Variants in ATP9B observed in about 807,000 individuals in gnomAD.
ATP9B encodes the protein probable phospholipid-transporting ATPase IIB.
In ATP9B, 110 loss-of-function variants were observed where a neutral mutation model predicts 146.1. That is an observed-to-expected ratio of 0.75 (90% CI 0.65 to 0.88). The LOEUF (loss-of-function observed/expected upper bound fraction) is 0.88, where lower values mean the gene tolerates loss of function less well. ATP9B is among the 40% of genes least tolerant of loss of function. The pLI, the probability that ATP9B is intolerant of heterozygous loss-of-function variation, is 0.00. For missense variants in ATP9B, 1,499 were observed against 1,496.4 expected (o/e 1.00, Z -0.03); for synonymous variants, 604 against 569.7 (o/e 1.06, Z -0.86).
At chr18:79,343,436 A>AAATATT (rs1363046299) in intron 20 of ATP9B, among the ~76,000 whole-genome samples, 9 of 152,130 alleles carry the variant, frequency 5.9e-5, no homozygotes, top group African/African-American at 1.9e-4. Flanking sequence ...AACCACTTAC[A>AAATATT]TTGGTTTCTG....
At chr18:79,291,278 T>G (rs1027265441) in intron 13 of ATP9B, among the ~76,000 whole-genome samples, 1 of 152,218 alleles carries the variant, frequency 6.6e-6, no homozygotes, top group Non-Finnish European at 1.5e-5. Context: ...GACGGCACTC[T>G]TACTCTCTGG....
At chr18:79,204,098 A>T (rs1026143076) in intron 9 of ATP9B, among the ~76,000 whole-genome samples, 18 of 152,204 alleles carry the variant, frequency 1.2e-4, no homozygotes, top group African/African-American at 4.3e-4. Flanking sequence ...TGGATTGTTT[A>T]TCTTAGCATT....
At chr18:79,140,812 T>C (rs2094504835) in intron 5 of ATP9B, among the ~76,000 whole-genome samples, 1 of 152,012 alleles carries the variant, frequency 6.6e-6, no homozygotes, top group South Asian at 2.1e-4. Context: ...TAGGTAGTTA[T>C]TTGGTATACA....
At chr18:79,341,750 CGTG>C (rs2096860588) in intron 19 of ATP9B, among the ~76,000 whole-genome samples, 9 of 146,014 alleles carry the variant, frequency 6.2e-5, no homozygotes, top group South Asian at 2.2e-4. Context: ...ATGTGTGTAG[CGTG>C]ACCTGTTGAA....
intron 15 of ATP9B, among the ~76,000 whole-genome samples, chr18:79,315,891 C>T (rs2146767965): frequency 6.6e-6 from 1 of 152,300 alleles, no homozygotes; most frequent in South Asian, 2.1e-4. Flanking sequence ...TTTGCATTCA[C>T]ATCTTAGTTA....
intron 1 of ATP9B, among the ~76,000 whole-genome samples, chr18:79,084,827 A>G (rs2073647713): frequency 6.6e-6 from 1 of 152,194 alleles, no homozygotes; most frequent in East Asian, 1.9e-4. Context: ...CTACTTTAGG[A>G]CACAGTGTAT....
chr18:79,336,265 C>G (rs1010191707), intron 17 of ATP9B, among the ~76,000 whole-genome samples: 2 of 152,252 alleles, frequency 1.3e-5, no homozygotes, highest in African/African-American at 4.8e-5. Flanking sequence ...CGTCCACACT[C>G]TGGAGTGGTG....
intron 6 of ATP9B, among the ~76,000 whole-genome samples, chr18:79,148,246 T>C (rs1018127681): frequency 6.6e-6 from 1 of 152,260 alleles, no homozygotes; most frequent in Non-Finnish European, 1.5e-5. Flanking sequence ...GCATCAACTT[T>C]GCACAGTTAT....
At chr18:79,164,533 G>C (rs142076120) in intron 7 of ATP9B, among the ~76,000 whole-genome samples, 10,246 of 152,048 alleles carry the variant, frequency 0.067, 415 homozygotes, top group Non-Finnish European at 0.095. Context: ...GGCTAACATG[G>C]TGAAACCCCG....
At chr18:79,175,214 G>GAAAAAAAAAAAAAAAAAAAAA (rs1199426278) in intron 7 of ATP9B, among the ~76,000 whole-genome samples, 1 of 132,280 alleles carries the variant, frequency 7.6e-6, no homozygotes. Context: ...AAAAAAAAAA[G>GAAAAAAAAAAAAAAAAAAAAA]AAAAAAAAAA....
chr18:79,152,749 C>G (rs1295789436), intron 6 of ATP9B, among the ~76,000 whole-genome samples: 1 of 152,118 alleles, frequency 6.6e-6, no homozygotes, highest in Admixed American at 6.5e-5. Context: ...GGTGTCGTCT[C>G]CCATCATCCC....
At chr18:79,157,740 A>C (rs370738295) in intron 7 of ATP9B, among the ~76,000 whole-genome samples, 4 of 152,094 alleles carry the variant, frequency 2.6e-5, no homozygotes, top group Non-Finnish European at 2.9e-5. Context: ...TAATTTGTCC[A>C]CTTTATCTAG....
chr18:79,290,385 T>C (rs1316765156), intron 13 of ATP9B, among the ~76,000 whole-genome samples: 1 of 152,206 alleles, frequency 6.6e-6, no homozygotes, highest in Non-Finnish European at 1.5e-5. Context: ...GTGCTAGCAA[T>C]CAGCGAGACT....
chr18:79,163,152 C>G (rs573587017), intron 7 of ATP9B, among the ~76,000 whole-genome samples: 1 of 152,304 alleles, frequency 6.6e-6, no homozygotes, highest in East Asian at 1.9e-4. Context: ...AGCTGGCCAT[C>G]TTTCTGATTT....
At chr18:79,332,139 A>C (rs895354800) in intron 17 of ATP9B, among the ~76,000 whole-genome samples, 1 of 152,234 alleles carries the variant, frequency 6.6e-6, no homozygotes, top group African/African-American at 2.4e-5. Context: ...TGTTATTAAG[A>C]AAATCATGGG....
chr18:79,094,884 T>C (rs1469107613), intron 1 of ATP9B, among the ~76,000 whole-genome samples: 1 of 152,178 alleles, frequency 6.6e-6, no homozygotes. Flanking sequence ...ATCAGAAATA[T>C]GATTCCATCG....
At position 79,344,370 on chromosome 18, in the gene ATP9B, G is replaced by A. The variant is rs375531703; in HGVS notation, c.2472+16G>A. The stretch of plus-strand genomic sequence containing the variant: ...CTCTCTGGAGGTAAGGCTGGACCCT[G>A]AGTGAGTACATGTCTGTCTGTGTCT... On this transcript the variant is annotated intron_variant, in intron 21 of 29. Coordinates refer to ENST00000426216, the MANE Select transcript of ATP9B (RefSeq NM_198531.5). 4.3e-6 allele frequency: 7 copies of A among 1,610,892 alleles called. No homozygotes were observed. In the African/African-American group the frequency reaches 8.0e-5, roughly 18 times the overall value.
At chr18:79,101,765 G>A (rs1311233908) in intron 2 of ATP9B, among the ~76,000 whole-genome samples, 1 of 152,134 alleles carries the variant, frequency 6.6e-6, no homozygotes, top group African/African-American at 2.4e-5. Flanking sequence ...TGCTAGGGAG[G>A]TTGGACATCT....
At chr18:79,200,756 T>TGGGGACTGTC (rs1568388723) in intron 9 of ATP9B, among the ~76,000 whole-genome samples, 1 of 152,208 alleles carries the variant, frequency 6.6e-6, no homozygotes, top group Non-Finnish European at 1.5e-5. Context: ...GAGGTGGAGG[T>TGGGGACTGTC]GGGAACGTTG....
Sources: allele counts gnomAD v4.1 joint callset (sites outside exome capture counted in the v4.1 genomes callset), GRCh38; gene constraint gnomAD v4.1.1; transcripts MANE v1.5; gene names NCBI Gene and HGNC (gene_info 2026-07-23, HGNC 2026-07-21).